The following ZC3H12B variants were observed in gnomAD, a reference collection of about 807,000 sequenced individuals.
ZC3H12B encodes the protein probable ribonuclease ZC3H12B.
A neutral mutation model predicts 43.9 loss-of-function variants in ZC3H12B; 7 were observed. The observed-to-expected ratio is 0.16, with a 90% CI of 0.09 to 0.30. The LOEUF is 0.30. ZC3H12B is among the 10% of genes least tolerant of loss of function. The pLI is 1.00. For synonymous variants in ZC3H12B, 222 were observed against 241.7 expected (o/e 0.92, Z 0.76); for missense variants, 475 against 670.2 (o/e 0.71, Z 3.22).
chrX:65,330,864 C>T, the ZC3H12B span: 11 of 223,493 alleles, frequency 4.9e-5, no homozygotes, highest in African/African-American at 3.0e-4. Context: ...CTCACTGTTA[C>T]TGCCACCATC....
At chrX:65,240,389 C>A in the ZC3H12B span, among the ~76,000 whole-genome samples, 3 of 111,819 alleles carry the variant, frequency 2.7e-5, no homozygotes, top group African/African-American at 9.7e-5. Context: ...ATAGCATTGT[C>A]AATTTCTCAT....
At chrX:65,155,805 A>G in the ZC3H12B span, among the ~76,000 whole-genome samples, 2 of 110,706 alleles carry the variant, frequency 1.8e-5, no homozygotes, top group East Asian at 5.7e-4. Context: ...GGCTACAGAG[A>G]GCATGATCAC....
chrX:65,368,572 C>G (rs1448988003), intron 1 of ZC3H12B, among the ~76,000 whole-genome samples: 1 of 111,654 alleles, frequency 9.0e-6, no homozygotes, highest in African/African-American at 3.2e-5. Flanking sequence ...CTGAATCTTA[C>G]AGTCACAAAA....
At chrX:65,219,617 T>C in the ZC3H12B span, among the ~76,000 whole-genome samples, 2 of 111,208 alleles carry the variant, frequency 1.8e-5, no homozygotes, top group South Asian at 7.5e-4. Flanking sequence ...AAAAGAATTG[T>C]AAAAAATGTA....
the ZC3H12B span, among the ~76,000 whole-genome samples, chrX:65,238,682 T>G: frequency 9.0e-6 from 1 of 111,651 alleles, no homozygotes; most frequent in Non-Finnish European, 1.9e-5. Flanking sequence ...TAATGTTAGG[T>G]TATTAATTTG....
the ZC3H12B span, among the ~76,000 whole-genome samples, chrX:65,258,838 T>A: frequency 9.0e-6 from 1 of 110,576 alleles, no homozygotes; most frequent in African/African-American, 3.3e-5. Context: ...AAGAATAAAA[T>A]ACCTAGGAAT....
At chrX:65,252,623 G>C in the ZC3H12B span, among the ~76,000 whole-genome samples, 1 of 111,603 alleles carries the variant, frequency 9.0e-6, no homozygotes, top group African/African-American at 3.3e-5. Flanking sequence ...GTTTGCCCTT[G>C]TCTCTATTGT....
chrX:65,457,062 G>A (rs1249403078), intron 3 of ZC3H12B, among the ~76,000 whole-genome samples: 28 of 89,028 alleles, frequency 3.1e-4, no homozygotes, highest in South Asian at 6.4e-4. Context: ...GCCGCCCATC[G>A]TCTGAGATGT....
At chrX:65,155,887 C>T in the ZC3H12B span, among the ~76,000 whole-genome samples, 221 of 109,978 alleles carry the variant, frequency 2.0e-3, 1 homozygote, top group Non-Finnish European at 2.9e-3. Flanking sequence ...ATTATTCCCA[C>T]TTTTCCTGTA....
At chrX:65,100,848 T>A in the ZC3H12B span, among the ~76,000 whole-genome samples, 1 of 110,750 alleles carries the variant, frequency 9.0e-6, no homozygotes, top group African/African-American at 3.3e-5. Flanking sequence ...CGAGACAAAA[T>A]TAACAAGGCT....
chrX:65,076,898 C>T, the ZC3H12B span, among the ~76,000 whole-genome samples: 3 of 111,516 alleles, frequency 2.7e-5, no homozygotes, highest in East Asian at 2.8e-4. Context: ...ACTCCAACTT[C>T]AGAATAATCT....
the ZC3H12B span, among the ~76,000 whole-genome samples, chrX:65,161,468 A>T: frequency 9.0e-6 from 1 of 111,725 alleles, no homozygotes; most frequent in Non-Finnish European, 1.9e-5. Flanking sequence ...CATATATATT[A>T]ATGATAGTTA....
chrX:65,268,821 G>A, the ZC3H12B span, among the ~76,000 whole-genome samples: 1 of 111,637 alleles, frequency 9.0e-6, no homozygotes, highest in East Asian at 2.8e-4. Context: ...TTTTCACTAG[G>A]ATATAATACA....
chrX:65,420,208 C>T (rs1007540609), intron 3 of ZC3H12B, among the ~76,000 whole-genome samples: 2 of 112,253 alleles, frequency 1.8e-5, no homozygotes, highest in East Asian at 5.7e-4. Flanking sequence ...TGCCCTGGCA[C>T]CACATTGGCC....
At chrX:65,146,789 T>C in the ZC3H12B span, among the ~76,000 whole-genome samples, 1 of 111,974 alleles carries the variant, frequency 8.9e-6, no homozygotes, top group African/African-American at 3.2e-5. Flanking sequence ...GGGGACTTTC[T>C]TCACAGAGTC....
chrX:65,361,591 G>A, the ZC3H12B span, among the ~76,000 whole-genome samples: 1 of 111,621 alleles, frequency 9.0e-6, no homozygotes, highest in Non-Finnish European at 1.9e-5. Context: ...TAAAACTGCA[G>A]TTAGCATTTA....
chrX:65,190,074 T>C, the ZC3H12B span, among the ~76,000 whole-genome samples: 3 of 111,712 alleles, frequency 2.7e-5, no homozygotes, highest in Non-Finnish European at 5.6e-5. Flanking sequence ...CCATTGCTTG[T>C]TTTTCTCAGG....
chrX:65,038,617 G>A, the ZC3H12B span, among the ~76,000 whole-genome samples: 1 of 111,165 alleles, frequency 9.0e-6, no homozygotes, highest in African/African-American at 3.3e-5. Flanking sequence ...AAATTACCTC[G>A]TATGTCAAAT....
At chrX:65,059,004 C>G in the ZC3H12B span, among the ~76,000 whole-genome samples, 1 of 111,972 alleles carries the variant, frequency 8.9e-6, no homozygotes, top group African/African-American at 3.2e-5. Flanking sequence ...AAAGGGAATT[C>G]CCTGACCCCT....
Sources: allele counts gnomAD v4.1 joint callset (sites outside exome capture counted in the v4.1 genomes callset), GRCh38; gene constraint gnomAD v4.1.1; transcripts MANE v1.5; gene names NCBI Gene and HGNC (gene_info 2026-07-23, HGNC 2026-07-21).